Variants in COQ7 observed in about 807,000 individuals in gnomAD.
COQ7 encodes NADPH-dependent 3-demethoxyubiquinone 3-hydroxylase, mitochondrial.
Under a neutral mutation model 25.0 loss-of-function variants are expected in COQ7, and 21 were observed. The observed-to-expected ratio is 0.84, with a 90% CI of 0.60 to 1.21. The LOEUF (loss-of-function observed/expected upper bound fraction) is 1.21. COQ7 is among the 50% of genes most tolerant of loss of function. The pLI is 0.00. For missense variants in COQ7, 311 were observed against 296.2 expected (o/e 1.05, Z -0.37); for synonymous variants, 125 against 112.4 (o/e 1.11, Z -0.71).
Position 19,078,527 on chromosome 16 carries a change from C to T in COQ7, c.*369C>T, listed in dbSNP as rs1962980314. 2 of 152,798 alleles carry T rather than the reference C, an allele frequency of 1.3e-5. No homozygotes were observed. The highest frequency in any genetic ancestry group is 4.8e-5 in the African/African-American group (2 of 41,434). 9.5% of individuals were successfully genotyped at this position (152,798 alleles called of 1,614,324 possible). Reference sequence around the variant, plus strand: ...CTCTTTTGTCCAGGCCGGGTCACAACTCACTGCAGCCTGGACCTCCTAGCC... The same window carrying T: ...CTCTTTTGTCCAGGCCGGGTCACAATTCACTGCAGCCTGGACCTCCTAGCC... On this transcript the variant is annotated 3_prime_UTR_variant, in exon 6 of 6. Transcript: ENST00000321998.
At chr16:19,068,495 T>G (rs1343266286) in intron 1 of COQ7, 1 of 693,620 alleles carries the variant, frequency 1.4e-6, no homozygotes, top group Non-Finnish European at 1.8e-6. Flanking sequence ...CTACTAAAAA[T>G]ACAAAAATTT....
intron 1 of COQ7, among the ~76,000 whole-genome samples, chr16:19,070,121 G>A (rs1962479362): frequency 6.6e-6 from 1 of 152,140 alleles, no homozygotes; most frequent in South Asian, 2.1e-4. Context: ...CAGTGAGATG[G>A]AGAGGATCAT....
intron 4 of COQ7, among the ~76,000 whole-genome samples, chr16:19,076,373 G>A (rs918607649): frequency 1.3e-5 from 2 of 150,592 alleles, no homozygotes; most frequent in African/African-American, 4.9e-5. Context: ...AGAATTATAG[G>A]CATGAACCAC....
chr16:19,074,048 C>T lies in COQ7; in HGVS notation c.367+13C>T, dbSNP rs886753910. On this transcript the variant is annotated intron_variant, in intron 3 of 5. Coordinates refer to ENST00000321998, the MANE Select transcript of COQ7 (RefSeq NM_016138.5). ...GGGTTTGCACTGGGTACGTGTCTCT[C>T]TAGAAGAGCTTATGCAAGCTTGGGG... is the stretch of plus-strand genomic sequence containing the variant. 2.6e-5 allele frequency: 41 copies of T among 1,590,008 alleles called. No homozygotes were observed. Among genetic ancestry groups the T allele is most frequent in the African/African-American group, 1.3e-5 (1 of 74,240 alleles).
intron 2 of COQ7, 134 bp from the exon 3 acceptor site, chr16:19,073,787 A>T: frequency 1.6e-6 from 1 of 624,664 alleles, no homozygotes; most frequent in Non-Finnish European, 2.9e-6. Flanking sequence ...GTTTCCATTG[A>T]CGTTTTGAGG....
In COQ7 at chr16:19,067,717, G is replaced by A. The variant is rs749623475; in HGVS notation, c.53G>A (p.Gly18Glu). Reference sequence around the variant, plus strand: ...CCCCGCCTTTGGCGGCTGCGCCCGGGGGCCCGGCGGTCCCTCTCAGGTAAA... The same window carrying A: ...CCCCGCCTTTGGCGGCTGCGCCCGGAGGCCCGGCGGTCCCTCTCAGGTAAA... ...AAPRLWRLRPGARRSLSAYGR... is the reference protein window; with the variant it reads ...AAPRLWRLRPEARRSLSAYGR... The change falls in exon 1 of 6, where the codon GGG (glycine) becomes GAG (glutamate). Residue 18 changes from glycine (G) to glutamate (E), a missense_variant. By Grantham distance (98) the Gly-to-Glu change is moderately conservative. Coordinates refer to ENST00000321998, the MANE Select transcript of COQ7 (RefSeq NM_016138.5). The A allele has an allele frequency of 5.0e-6, 8 of 1,605,992 alleles. No individual in the cohort carries two copies. The highest frequency in any genetic ancestry group is 6.8e-6 in the Non-Finnish European group (8 of 1,178,058).
chr16:19,078,340 C>G lies in COQ7; in HGVS notation c.*182C>G, dbSNP rs1962971179. 1.9e-5 allele frequency: 9 copies of G among 466,086 alleles called. No homozygotes were observed. Among genetic ancestry groups the G allele is most frequent in the Non-Finnish European group, 3.3e-5 (9 of 273,476 alleles). The allele number at this position is 466,086 out of a possible 1,614,324, so 28.9% of individuals were successfully genotyped here. A position where few individuals can be genotyped will look rare whatever the true frequency, so the allele number is the denominator to read the frequency against. On this transcript the variant is annotated 3_prime_UTR_variant, in exon 6 of 6. Coordinates refer to ENST00000321998, the MANE Select transcript of COQ7 (RefSeq NM_016138.5). Reference sequence around the variant, plus strand: ...TTGATTTTTCTCTGGGTTGTTTTTTCTGCCATGAGACCAACAGGTCACCAG... The same window carrying G: ...TTGATTTTTCTCTGGGTTGTTTTTTGTGCCATGAGACCAACAGGTCACCAG...
Position 19,067,827 on chromosome 16 carries a change from A to C in COQ7, c.73+90A>C, listed in dbSNP as rs1008019629. 5.9e-6 allele frequency: 9 copies of C among 1,531,178 alleles called. No homozygotes were observed. In the African/African-American group the frequency reaches 1.1e-4, roughly 18 times the overall value. The allele number at this position is 1,531,178 out of a possible 1,614,324, so 94.8% of individuals were successfully genotyped here. On this transcript the variant is annotated intron_variant, in intron 1 of 5. Coordinates refer to ENST00000321998, the MANE Select transcript of COQ7 (RefSeq NM_016138.5). ...GTTTGGGTCGAAGAGGTCACGGGGG[A>C]GAGGTTCGTAACGTCACAGGCCTGC... is the stretch of plus-strand genomic sequence containing the variant.
At chr16:19,077,415 A>G (rs1322075855) in intron 5 of COQ7, 41 bp downstream of exon 5, 1 of 1,556,550 alleles carries the variant, frequency 6.4e-7, no homozygotes, top group Admixed American at 1.7e-5. Flanking sequence ...GGGACTCCTT[A>G]TTTGGGAGGC....
intron 1 of COQ7, among the ~76,000 whole-genome samples, chr16:19,070,057 T>G (rs1251523796): frequency 6.6e-6 from 1 of 152,162 alleles, no homozygotes; most frequent in African/African-American, 2.4e-5. Context: ...GTGCTGGGAT[T>G]ACAGGCATGA....
At chr16:19,074,155 A>T in intron 3 of COQ7, 120 bp downstream of exon 3, 7 of 631,668 alleles carry the variant, frequency 1.1e-5, no homozygotes, top group South Asian at 5.6e-5. Flanking sequence ...TTTACTTCAT[A>T]TTTTTCCGAG....
chr16:19,067,966 G>A, intron 1 of COQ7: 1 of 1,420,658 alleles, frequency 7.0e-7, no homozygotes, highest in Non-Finnish European at 9.1e-7. Context: ...GTGACGCCTG[G>A]GGAGTGACGC....
intron 5 of COQ7, among the ~76,000 whole-genome samples, chr16:19,077,834 G>A (rs145337133): frequency 2.6e-5 from 4 of 152,024 alleles, no homozygotes; most frequent in African/African-American, 4.8e-5. Flanking sequence ...CCTCAGGTGA[G>A]CTGCCTGCCT....
At chr16:19,068,172 C>A (rs1962337831) in intron 1 of COQ7, 3 of 1,034,864 alleles carry the variant, frequency 2.9e-6, no homozygotes, top group African/African-American at 3.4e-5. Context: ...AATACAGATT[C>A]TCGGGCCCCA....
Position 19,071,941 on chromosome 16 carries a change from A to G in COQ7, c.87A>G (p.Arg29=), listed in dbSNP as rs1962577692. ...CTTGCATTTCAGCTTATGGAAGAAG[A>G]ACCAGTGTCAGATTTCGCAGTTCAG... The part of the protein sequence containing the change: ...ARRSLSAYGR[R]TSVRFRSSGM... The change falls in exon 2 of 6, where the codon AGA becomes AGG. Residue 29 remains arginine, a synonymous_variant. Transcript: ENST00000321998. 1 of 1,614,236 alleles carries G rather than the reference A, an allele frequency of 6.2e-7. No homozygotes were observed. The highest frequency in any genetic ancestry group is 2.2e-5 in the East Asian group (1 of 44,886).
At position 19,067,641 on chromosome 16, in the gene COQ7, T is replaced by C. The variant is rs1422550097; in HGVS notation, c.-24T>C. ...TATTGGCCAGTTCCGTTCAACGAAG[T>C]GGTTGCTTTTTTTAGTTCCGGCAAT... On this transcript the variant is annotated 5_prime_UTR_variant, in exon 1 of 6. Transcript: ENST00000321998. The C allele has an allele frequency of 7.4e-6, 12 of 1,613,264 alleles. No homozygotes were observed. The highest frequency in any genetic ancestry group is 1.3e-5 in the African/African-American group (1 of 74,936).
Position 19,079,177 on chromosome 16 carries a change from T to G in COQ7, c.*1019T>G, listed in dbSNP as rs1181496506. The G allele has an allele frequency of 6.6e-6, 1 of 152,228 alleles. No homozygotes were observed. Among genetic ancestry groups the G allele is most frequent in the Non-Finnish European group, 1.5e-5 (1 of 68,120 alleles). 9.4% of individuals were successfully genotyped at this position (152,228 alleles called of 1,614,324 possible). A position where few individuals can be genotyped will look rare whatever the true frequency, so the allele number is the denominator to read the frequency against. On this transcript the variant is annotated 3_prime_UTR_variant, in exon 6 of 6. Transcript: ENST00000321998. ...AGACTTCTCTGAGGAAGCAGACCCT[T>G]CACAAGCAAAATCAGCCAGCACTTT...
chr16:19,069,370 G>A (rs969978608), intron 1 of COQ7, among the ~76,000 whole-genome samples: 2 of 143,200 alleles, frequency 1.4e-5, no homozygotes, highest in African/African-American at 5.1e-5. Context: ...GTTTATTATT[G>A]TATGTTTTCC....
At chr16:19,077,242 A>G (rs1383331376) in intron 4 of COQ7, 64 bp from the exon 5 acceptor site, 3 of 1,453,604 alleles carry the variant, frequency 2.1e-6, no homozygotes, top group Non-Finnish European at 1.9e-6. Flanking sequence ...TAGCCTCCAA[A>G]ATGAAATGGA....
Sources: gnomAD v4.1 joint callset for allele counts (sites outside exome capture counted in the v4.1 genomes callset) on GRCh38, gnomAD v4.1.1 for gene constraint, MANE v1.5 for transcripts, NCBI Gene and HGNC (gene_info 2026-07-23, HGNC 2026-07-21) for gene names.